The following ZDBF2 variants were observed in gnomAD, a reference collection of about 807,000 sequenced individuals.
ZDBF2 encodes the protein DBF4-type zinc finger-containing protein 2.
A neutral mutation model predicts 9.4 loss-of-function variants in ZDBF2; 6 were observed. That is an observed-to-expected ratio of 0.64 (90% CI 0.35 to 1.27). ZDBF2 has a LOEUF of 1.27. Ranked by LOEUF, ZDBF2 falls within the 50% of genes most tolerant of loss-of-function variation. The pLI, the probability that ZDBF2 is intolerant of heterozygous loss-of-function variation, is 0.03. For missense variants in ZDBF2, 2,697 were observed against 2,766.8 expected, an observed-to-expected ratio of 0.97 and a Z score of 0.57; for synonymous variants, 905 against 946.3, an observed-to-expected ratio of 0.96 and a Z score of 0.80.
In ZDBF2 at chr2:206,306,621, G is replaced by A; in HGVS notation, c.2093G>A (p.Ser698Asn). The A allele has an allele frequency of 6.2e-7, 1 of 1,613,714 alleles. No homozygotes were observed. Among genetic ancestry groups the A allele is most frequent in the South Asian group, 1.1e-5 (1 of 91,068 alleles). ...GTGGATGTTGACCTTGAGAATAAGAGTGTTCAGTCTAGCCGTTCTTCTCTG... is the reference window on the plus strand; with the variant it reads ...GTGGATGTTGACCTTGAGAATAAGAATGTTCAGTCTAGCCGTTCTTCTCTG... The part of the protein sequence containing the change: ...QKVDVDLENK[S>N]VQSSRSSLSS... Residue 698 changes from serine (S) to asparagine (N), a missense_variant, in exon 5 of 5, where the codon AGT (serine) becomes AAT (asparagine). Ser to Asn is a conservative substitution (Grantham distance 46). Transcript: ENST00000374423.
At chr2:206,301,853 G>C (rs1250763406) in intron 4 of ZDBF2, among the ~76,000 whole-genome samples, 1 of 151,416 alleles carries the variant, frequency 6.6e-6, no homozygotes, top group Non-Finnish European at 1.5e-5. Context: ...GTCTTAAATT[G>C]GGTGCCCAGT....
rs1692838852 is a variant in ZDBF2, at chr2:206,307,040, C to T, written c.2512C>T (p.His838Tyr). ...EITFDSDIPLHSGNDHPEVAV... is the reference protein window; with the variant it reads ...EITFDSDIPLYSGNDHPEVAV... ...AACTTTTGATTCTGATATTCCTCTT[C>T]ATTCAGGAAATGATCACCCTGAAGT... Residue 838 changes from histidine (H) to tyrosine (Y), a missense_variant, in exon 5 of 5, where the codon CAT becomes TAT. Transcript: ENST00000374423. 6.2e-7 allele frequency: 1 copy of T among 1,613,266 alleles called. No individual in the cohort carries two copies. The highest frequency in any genetic ancestry group is 1.3e-5 in the African/African-American group (1 of 74,920).
rs1464774103 is a variant in ZDBF2 at position 206,309,449 on chromosome 2, C to G, written c.4921C>G (p.Gln1641Glu). 1.2e-6 allele frequency: 2 copies of G among 1,613,630 alleles called. No homozygotes were observed. The highest frequency in any genetic ancestry group is 3.3e-5 in the Admixed American group (2 of 59,954). Reference protein sequence around the residue: ...ASDQSMTYESQGPDEKMVKYI... With the variant: ...ASDQSMTYESEGPDEKMVKYI... The stretch of plus-strand genomic sequence containing the variant: ...TGATCAGTCCATGACTTACGAGTCA[C>G]AAGGACCTGATGAGAAAATGGTGAA... The change falls in exon 5 of 5, where the codon CAA becomes GAA. Residue 1641 changes from glutamine to glutamate, a missense_variant. Gln to Glu is a conservative substitution (Grantham distance 29, BLOSUM62 2). Around this residue, in one of 3 missense-constraint regions of ZDBF2, gnomAD observed 1,783 missense variants for 1,776.5 expected, o/e 1.00. Coordinates refer to ENST00000374423, the MANE Select transcript of ZDBF2 (RefSeq NM_020923.3).
rs1176725462 is a variant in ZDBF2, at chr2:206,308,388, T to G, written c.3860T>G (p.Phe1287Cys). ...IVKPTDSRIN[F>C]DSHEPLQSVT... ...AAACCTACAGATTCCAGAATAAATT[T>G]TGATTCTCATGAACCCCTTCAGTCC... The change falls in exon 5 of 5, where the codon TTT (phenylalanine) becomes TGT (cysteine). Residue 1287 changes from phenylalanine to cysteine, a missense_variant. Around this residue, in one of 3 missense-constraint regions of ZDBF2, gnomAD observed 1,783 missense variants for 1,776.5 expected, o/e 1.00. Transcript: ENST00000374423. 1 of 1,612,420 alleles carries G rather than the reference T, an allele frequency of 6.2e-7. No homozygotes were observed. Among genetic ancestry groups the G allele is most frequent in the Admixed American group, 1.7e-5 (1 of 59,702 alleles).
intron 3 of ZDBF2, among the ~76,000 whole-genome samples, chr2:206,290,089 C>T (rs1691809925): frequency 6.6e-6 from 1 of 152,162 alleles, no homozygotes; most frequent in African/African-American, 2.4e-5. Flanking sequence ...ACAGTAGTAT[C>T]AGCACCATTT....
At chr2:206,292,270 C>T (rs1204215864) in intron 3 of ZDBF2, among the ~76,000 whole-genome samples, 3 of 152,146 alleles carry the variant, frequency 2.0e-5, no homozygotes, top group Non-Finnish European at 4.4e-5. Flanking sequence ...TAGGCGTTGA[C>T]AGTTCAGGGT....
intron 4 of ZDBF2, among the ~76,000 whole-genome samples, chr2:206,299,327 A>T (rs907600718): frequency 6.6e-6 from 1 of 152,182 alleles, no homozygotes; most frequent in African/African-American, 2.4e-5. Flanking sequence ...AACTGGTACA[A>T]GAAATTCTTG....
intron 4 of ZDBF2, among the ~76,000 whole-genome samples, chr2:206,299,749 C>A (rs189471283): frequency 9.2e-5 from 14 of 151,954 alleles, no homozygotes; most frequent in African/African-American, 3.1e-4. Context: ...ACCTCCCCCC[C>A]GCCCGTGAAT....
rs1693288913 is a variant in ZDBF2, at chr2:206,313,720, C to T, written c.*2127C>T. On this transcript the variant is annotated 3_prime_UTR_variant, in exon 5 of 5. Transcript: ENST00000374423. ...CCTGTAATTCAAGTAATTAAAATTT[C>T]AAGTTGTAAAAATGTTACCATTTTC... is the stretch of plus-strand genomic sequence containing the variant. The T allele has an allele frequency of 6.6e-6, 1 of 152,102 alleles. No individual in the cohort carries two copies. The highest frequency in any genetic ancestry group is 2.1e-4 in the South Asian group (1 of 4,830). 9.4% of individuals were successfully genotyped at this position (152,102 alleles called of 1,614,324 possible). A position where few individuals can be genotyped will look rare whatever the true frequency, so the allele number is the denominator to read the frequency against.
In ZDBF2 at chr2:206,309,792, C is replaced by G. The variant is rs761665666; in HGVS notation, c.5264C>G (p.Pro1755Arg). The G allele has an allele frequency of 7.4e-6, 12 of 1,613,814 alleles. No homozygotes were observed. The highest frequency in any genetic ancestry group is 1.1e-5 in the South Asian group (1 of 91,064). Reference protein sequence around the residue: ...GFEMNFQCAPPLPSDTDQPQE... With the variant: ...GFEMNFQCAPRLPSDTDQPQE... The stretch of plus-strand genomic sequence containing the variant: ...GAGATGAATTTTCAGTGTGCTCCCC[C>G]TCTTCCATCTGATACTGATCAGCCT... Residue 1755 changes from proline to arginine, a missense_variant, in exon 5 of 5, where the codon CCT (proline) becomes CGT (arginine). Coordinates refer to ENST00000374423, the MANE Select transcript of ZDBF2 (RefSeq NM_020923.3).
chr2:206,305,250 C>T lies in ZDBF2; in HGVS notation c.722C>T (p.Ser241Leu), dbSNP rs756964288. Residue 241 changes from serine (S) to leucine (L), a missense_variant, in exon 5 of 5, where the codon TCA (serine) becomes TTA (leucine). Ser to Leu is a moderately radical substitution (Grantham distance 145, BLOSUM62 -2). This residue lies in a region of ZDBF2 where 910 missense variants were observed against 973.6 expected (regional missense o/e 0.93). Coordinates refer to ENST00000374423, the MANE Select transcript of ZDBF2 (RefSeq NM_020923.3). ...GGGGCCTCTAGAAATCCTGTGCCAT[C>T]ATCCCATGTAGAAACTACTTCATTT... ...PDGASRNPVP[S>L]SHVETTSFSY... 4.6e-5 allele frequency: 75 copies of T among 1,613,604 alleles called. No homozygotes were observed. The highest frequency in any genetic ancestry group is 8.3e-5 in the Admixed American group (5 of 59,906).
chr2:206,293,970 T>C (rs1574397756), intron 3 of ZDBF2, among the ~76,000 whole-genome samples: 2 of 152,040 alleles, frequency 1.3e-5, no homozygotes, highest in East Asian at 1.9e-4. Flanking sequence ...TTATTAGTAA[T>C]AGCCAAAAGC....
intron 4 of ZDBF2, among the ~76,000 whole-genome samples, chr2:206,303,184 T>C (rs1041819024): frequency 7.9e-5 from 12 of 152,044 alleles, no homozygotes; most frequent in Non-Finnish European, 1.8e-4. Flanking sequence ...TACATTAACT[T>C]GTAATGTCTC....
chr2:206,305,810 G>A lies in ZDBF2; in HGVS notation c.1282G>A (p.Val428Ile), dbSNP rs1245364063. The change falls in exon 5 of 5, where the codon GTA (valine) becomes ATA (isoleucine). Residue 428 changes from valine (V) to isoleucine (I), a missense_variant. By Grantham distance (29) the Val-to-Ile change is conservative (BLOSUM62 3). Transcript: ENST00000374423. ...TDQSKVSAKEVNLSKEVRTDV... is the reference protein window; with the variant it reads ...TDQSKVSAKEINLSKEVRTDV... ...CCAATCTAAAGTGAGTGCCAAAGAAGTAAACCTTTCCAAGGAAGTACGTAC... is the reference window on the plus strand; with the variant it reads ...CCAATCTAAAGTGAGTGCCAAAGAAATAAACCTTTCCAAGGAAGTACGTAC... The A allele has an allele frequency of 1.9e-6, 3 of 1,613,524 alleles. No individual in the cohort carries two copies. The highest frequency in any genetic ancestry group is 2.5e-6 in the Non-Finnish European group (3 of 1,179,800).
chr2:206,308,971 A>G lies in ZDBF2; in HGVS notation c.4443A>G (p.Glu1481=). ...ACAAAGAGGCAGACCTTCAGAAGGA[A>G]GAGCATGTTGTCATGGAAGAAAAGA... ...VSYKEADLQK[E]EHVVMEEKTD... is the part of the protein sequence containing the mutation. The change falls in exon 5 of 5, where the codon GAA becomes GAG. Residue 1481 remains glutamate (E), a synonymous_variant. Transcript: ENST00000374423. The G allele has an allele frequency of 6.2e-7, 1 of 1,613,740 alleles. No homozygotes were observed. Among genetic ancestry groups the G allele is most frequent in the Non-Finnish European group, 8.5e-7 (1 of 1,179,770 alleles).
rs142490458 is a variant in ZDBF2 at position 206,307,322 on chromosome 2, G to A, written c.2794G>A (p.Glu932Lys). The A allele has an allele frequency of 1.1e-4, 175 of 1,612,278 alleles. No individual in the cohort carries two copies. In the East Asian group the frequency reaches 3.4e-3, roughly 31 times the overall value. ...TTTTCATTCAGTGACTGGACGTTCT[G>A]AAGATCCCATTAAAGAAATAAGCCT... ...IIFHSVTGRS[E>K]DPIKEISLHT... Residue 932 changes from glutamate (E) to lysine (K), a missense_variant, in exon 5 of 5, where the codon GAA becomes AAA. Glu to Lys is a moderately conservative substitution (Grantham distance 56, BLOSUM62 1). This residue lies in a region of ZDBF2 where 1,783 missense variants were observed against 1,776.5 expected (regional missense o/e 1.00). Coordinates refer to ENST00000374423, the MANE Select transcript of ZDBF2 (RefSeq NM_020923.3).
chr2:206,281,276 AGTT>A (rs1691303743), intron 2 of ZDBF2, among the ~76,000 whole-genome samples: 1 of 152,174 alleles, frequency 6.6e-6, no homozygotes, highest in African/African-American at 2.4e-5. Context: ...AGGCTAAATT[AGTT>A]GTTCTGATTT....
Position 206,305,200 on chromosome 2 carries a change from T to G in ZDBF2, c.672T>G (p.Val224=), listed in dbSNP as rs776196302. 119 of 1,613,742 alleles carry G rather than the reference T, an allele frequency of 7.4e-5. No homozygotes were observed. Among genetic ancestry groups the G allele is most frequent in the Non-Finnish European group, 9.2e-5 (109 of 1,179,832 alleles). ...DSVSKCDPNK[V]EKYLEQPDGA... is the part of the protein sequence containing the mutation. ...TTAGCAAATGTGACCCAAACAAAGT[T>G]GAGAAATATCTTGAACAGCCAGATG... The change falls in exon 5 of 5, where the codon GTT becomes GTG. Residue 224 remains valine, a synonymous_variant. Coordinates refer to ENST00000374423, the MANE Select transcript of ZDBF2 (RefSeq NM_020923.3).
chr2:206,305,055 A>G lies in ZDBF2; in HGVS notation c.527A>G (p.Asn176Ser). The G allele has an allele frequency of 1.2e-6, 2 of 1,613,808 alleles. No homozygotes were observed. The highest frequency in any genetic ancestry group is 1.7e-6 in the Non-Finnish European group (2 of 1,179,804). ...DIGQATNNRS[N>S]LVRPPVICNA... Reference sequence around the variant, plus strand: ...GGTCAGGCTACAAATAATAGAAGCAACTTGGTACGCCCCCCAGTGATTTGT... The same window carrying G: ...GGTCAGGCTACAAATAATAGAAGCAGCTTGGTACGCCCCCCAGTGATTTGT... The change falls in exon 5 of 5, where the codon AAC becomes AGC. Residue 176 changes from asparagine (N) to serine (S), a missense_variant. By Grantham distance (46) the Asn-to-Ser change is conservative. Transcript: ENST00000374423.
Sources: allele counts gnomAD v4.1 joint callset (sites outside exome capture counted in the v4.1 genomes callset), GRCh38; gene constraint gnomAD v4.1.1; regional missense constraint gnomAD v4.1.1; transcripts MANE v1.5; gene names NCBI Gene and HGNC (gene_info 2026-07-23, HGNC 2026-07-21).